The following DOCK6 variants were observed in gnomAD, a reference collection of about 807,000 sequenced individuals.
DOCK6 encodes the protein dedicator of cytokinesis protein 6.
DOCK6 carries 167 observed loss-of-function variants against 230.3 expected under a neutral mutation model. The observed-to-expected ratio is 0.73, with a 90% CI of 0.64 to 0.82. DOCK6 has a LOEUF of 0.82. Ranked by LOEUF, DOCK6 falls within the 40% of genes least tolerant of loss-of-function variation. The pLI, the probability that DOCK6 is intolerant of heterozygous loss-of-function variation, is 0.00. For synonymous variants in DOCK6, 1,148 were observed against 1,185.0 expected, an observed-to-expected ratio of 0.97 and a Z score of 0.64; for missense variants, 2,598 against 2,825.8, an observed-to-expected ratio of 0.92 and a Z score of 1.83.
rs765974838 is a variant in DOCK6 at position 11,227,365 on chromosome 19, C to T, written c.2927G>A (p.Gly976Asp). 6.2e-7 allele frequency: 1 copy of T among 1,613,894 alleles called. No individual in the cohort carries two copies. The highest frequency in any genetic ancestry group is 1.1e-5 in the South Asian group (1 of 91,082). Residue 976 changes from glycine (G) to aspartate (D), a missense_variant, in exon 24 of 48, where the codon GGC becomes GAC. Transcript: ENST00000294618. ...DDITALVGSV[G>D]LEVITRVHKD... ...GTGGACACGGGTGATGACCTCCAGG[C>T]CCACAGAGCCCACCAAGGCAGTGAT...
At chr19:11,234,546 A>G (rs534536250) in intron 21 of DOCK6, among the ~76,000 whole-genome samples, 1 of 151,750 alleles carries the variant, frequency 6.6e-6, no homozygotes, top group Non-Finnish European at 1.5e-5. Context: ...AGGGTTCACT[A>G]TGTGCTAACC....
intron 39 of DOCK6, among the ~76,000 whole-genome samples, chr19:11,207,661 A>G (rs1434902783): frequency 1.3e-5 from 2 of 151,918 alleles, no homozygotes; most frequent in Non-Finnish European, 2.9e-5. Flanking sequence ...GTGTAGTGGC[A>G]CAACACCTGT....
intron 14 of DOCK6, among the ~76,000 whole-genome samples, chr19:11,239,375 T>G (rs1182061497): frequency 6.6e-6 from 1 of 152,184 alleles, no homozygotes; most frequent in African/African-American, 2.4e-5. Context: ...CTCAGCATGG[T>G]GAGTCTCAGG....
chr19:11,253,594 C>A (rs1477380023), intron 2 of DOCK6, 45 bp downstream of exon 2: 1 of 1,270,294 alleles, frequency 7.9e-7, no homozygotes, highest in Admixed American at 3.9e-5. Context: ...CTACCTCTGT[C>A]TGAGAGAGGG....
Position 11,214,291 on chromosome 19 carries a change from C to T in DOCK6, c.4322G>A (p.Arg1441Lys), listed in dbSNP as rs1445600489. 2 of 1,612,100 alleles carry T rather than the reference C, an allele frequency of 1.2e-6. No individual in the cohort carries two copies. The highest frequency in any genetic ancestry group is 1.1e-5 in the South Asian group (1 of 90,940). ...LFLQHGLATQ[R>K]ALVSKFPELL... ...GGTGCTCACCTTGGACACAAGGGCC[C>T]TCTGGGTGGCCAGGCCATGCTGCAA... is the stretch of plus-strand genomic sequence containing the variant. The change falls in exon 34 of 48, where the codon AGG becomes AAG. Residue 1441 changes from arginine (R) to lysine (K), a missense_variant. Physicochemically the swap from Arg to Lys is conservative, Grantham distance 26 (BLOSUM62 2). Transcript: ENST00000294618.
Position 11,202,777 on chromosome 19 carries a change from A to G in DOCK6, c.5236-68T>C. The G allele has an allele frequency of 1.2e-6, 2 of 1,603,774 alleles. No individual in the cohort carries two copies. The highest frequency in any genetic ancestry group is 1.7e-6 in the Non-Finnish European group (2 of 1,179,360). ...CTGGAGGTCTCCCTGCCCCAGAGAT[A>G]GGTGTCTCGAATATCAGGATGGGAG... is the stretch of plus-strand genomic sequence containing the variant. On this transcript the variant is annotated intron_variant, in intron 41 of 47. Transcript: ENST00000294618. The surrounding 1 kb of genome is among the most constrained non-coding windows in gnomAD (Gnocchi z 5.3).
chr19:11,252,855 G>A lies in DOCK6; in HGVS notation c.236C>T (p.Pro79Leu). 2 of 1,613,914 alleles carry A rather than the reference G, an allele frequency of 1.2e-6. No homozygotes were observed. The highest frequency in any genetic ancestry group is 1.7e-6 in the Non-Finnish European group (2 of 1,179,862). Residue 79 changes from proline (P) to leucine (L), a missense_variant, in exon 3 of 48, where the codon CCA becomes CTA. Pro to Leu is a moderately conservative substitution (Grantham distance 98). Coordinates refer to ENST00000294618, the MANE Select transcript of DOCK6 (RefSeq NM_020812.4). ...CAGCAGCAGCTCCAAGTCATCAGCTGGGAATTCTACCAGGTCCCTGAGGGG... is the reference window on the plus strand; with the variant it reads ...CAGCAGCAGCTCCAAGTCATCAGCTAGGAATTCTACCAGGTCCCTGAGGGG... Reference protein sequence around the residue: ...PGPLRDLVEFPADDLELLLQP... With the variant: ...PGPLRDLVEFLADDLELLLQP...
chr19:11,236,735 C>CA lies in DOCK6; in HGVS notation c.2160+57_2160+58insT. 6.5e-7 allele frequency: 1 copy of CA among 1,545,280 alleles called. No individual in the cohort carries two copies. The highest frequency in any genetic ancestry group is 8.8e-7 in the Non-Finnish European group (1 of 1,142,060). ...CGGCCATCGGCAACTGTTACTCAAT[C>CA]GTAGGGCAGGCAAGAGGGGAGCAGG... On this transcript the variant is annotated intron_variant, in intron 19 of 47. Coordinates refer to ENST00000294618, the MANE Select transcript of DOCK6 (RefSeq NM_020812.4). This position sits in a 1 kb window ranked among gnomAD's most constrained non-coding sequence, Gnocchi z 5.2.
Position 11,262,452 on chromosome 19 carries a change from C to CCCGCCG in DOCK6, c.-18_-13dup. ...TCGGAGGCAGCCATGGTCCTCGCGT[C>CCCGCCG]CCGCCGCCGCCGCCCCGGGCCCCGG... On this transcript the variant is annotated 5_prime_UTR_variant, in exon 1 of 48. Transcript: ENST00000294618. 8.5e-7 allele frequency: 1 copy of CCCGCCG among 1,183,300 alleles called. No individual in the cohort carries two copies. Among genetic ancestry groups the CCCGCCG allele is most frequent in the Non-Finnish European group, 1.0e-6 (1 of 958,032 alleles). 73.3% of individuals were successfully genotyped at this position (1,183,300 alleles called of 1,614,324 possible). A position where few individuals can be genotyped will look rare whatever the true frequency, so the allele number is the denominator to read the frequency against.
intron 22 of DOCK6, 30 bp from the exon 23 acceptor site, chr19:11,229,065 C>G (rs763532546): frequency 3.1e-6 from 5 of 1,598,744 alleles, no homozygotes; most frequent in Non-Finnish European, 4.3e-6. Context: ...TCACAGAGTG[C>G]GAGGTGCCAC....
At chr19:11,203,745 G>A (rs1029975842) in intron 41 of DOCK6, 3 of 443,202 alleles carry the variant, frequency 6.8e-6, no homozygotes, top group Non-Finnish European at 1.2e-5. Flanking sequence ...TGATAGACTG[G>A]GGAGAGATGA....
intron 34 of DOCK6, among the ~76,000 whole-genome samples, chr19:11,213,753 T>C (rs111584638): frequency 0.012 from 1,842 of 150,618 alleles, 36 homozygotes; most frequent in African/African-American, 0.042. Context: ...AGCTCCCTAG[T>C]AGCTGGGATC....
chr19:11,236,444 C>T lies in DOCK6; in HGVS notation c.2294G>A (p.Arg765His), dbSNP rs748048063. Reference sequence around the variant, plus strand: ...CACAAGGGGTTCGGGGCTGGCCAGGCGCAGTGCTGCAAGACTGGCCCGCAG... The same window carrying T: ...CACAAGGGGTTCGGGGCTGGCCAGGTGCAGTGCTGCAAGACTGGCCCGCAG... ...QELRASLAAL[R>H]LASPEPLVAF... Residue 765 changes from arginine (R) to histidine (H), a missense_variant, in exon 20 of 48, where the codon CGC becomes CAC. By Grantham distance (29) the Arg-to-His change is conservative (BLOSUM62 0). Transcript: ENST00000294618. The surrounding 1 kb of genome is among the most constrained non-coding windows in gnomAD (Gnocchi z 5.2). 1.6e-5 allele frequency: 26 copies of T among 1,590,420 alleles called. No homozygotes were observed. The highest frequency in any genetic ancestry group is 2.0e-5 in the Non-Finnish European group (23 of 1,169,366).
At chr19:11,205,871 C>T (rs10421221) in intron 39 of DOCK6, 93,514 of 150,118 alleles carry the variant, frequency 0.62, 29,297 homozygotes, top group African/African-American at 0.68. Context: ...GTGATCTGCC[C>T]GCCCCGGCCT....
chr19:11,257,344 G>A (rs904506303), intron 1 of DOCK6, among the ~76,000 whole-genome samples: 2 of 149,056 alleles, frequency 1.3e-5, no homozygotes, highest in Non-Finnish European at 3.0e-5. Context: ...GCAACCATGA[G>A]TGTCAGGCAT....
chr19:11,243,383 G>A lies in DOCK6; in HGVS notation c.1261C>T (p.Arg421Cys), dbSNP rs549496572. 3 of 1,601,508 alleles carry A rather than the reference G, an allele frequency of 1.9e-6. No individual in the cohort carries two copies. The highest frequency in any genetic ancestry group is 2.2e-5 in the South Asian group (2 of 89,106). The change falls in exon 12 of 48, where the codon CGC becomes TGC. Residue 421 changes from arginine to cysteine, a missense_variant and splice_region_variant. Coordinates refer to ENST00000294618, the MANE Select transcript of DOCK6 (RefSeq NM_020812.4). The surrounding 1 kb of genome is among the most constrained non-coding windows in gnomAD (Gnocchi z 6.3). ...CGGCGGTCTGTCCAGGCTGGCCGGC[G>A]CTCTAGGGGAGGGAATGACAATGAC... ...LDRDSDSEGE[R>C]RPAWTDRRRR...
At chr19:11,261,924 G>A (rs1265273039) in intron 1 of DOCK6, among the ~76,000 whole-genome samples, 1 of 152,020 alleles carries the variant, frequency 6.6e-6, no homozygotes, top group Non-Finnish European at 1.5e-5. Flanking sequence ...ACGCCACCAA[G>A]GAGCCCATCT....
chr19:11,252,065 G>A (rs2080124555), intron 5 of DOCK6, 54 bp downstream of exon 5: 3 of 1,562,368 alleles, frequency 1.9e-6, no homozygotes, highest in Non-Finnish European at 1.7e-6. Flanking sequence ...CAAAAGCTGA[G>A]GCCGGAGCCT....
intron 37 of DOCK6, 138 bp downstream of exon 37, chr19:11,211,638 C>T (rs1790048554): frequency 4.8e-6 from 3 of 625,618 alleles, no homozygotes; most frequent in Non-Finnish European, 5.6e-6. Context: ...GCTCACCTGT[C>T]CCCCTCACTT....
Sources: gnomAD v4.1 joint callset for allele counts (sites outside exome capture counted in the v4.1 genomes callset) on GRCh38, gnomAD v4.1.1 for gene constraint, Gnocchi (gnomAD v3.1) non-coding constraint, MANE v1.5 for transcripts, NCBI Gene and HGNC (gene_info 2026-07-23, HGNC 2026-07-21) for gene names.